The following TNRC18 variants were observed in gnomAD, a reference collection of about 807,000 sequenced individuals.
TNRC18 encodes trinucleotide repeat-containing gene 18 protein.
Under a neutral mutation model 226.7 loss-of-function variants are expected in TNRC18, and 69 were observed. The ratio of observed to expected loss-of-function variants is 0.30; its 90% CI spans 0.25 to 0.37. TNRC18 has a LOEUF of 0.37. TNRC18 is among the 10% of genes least tolerant of loss of function. The probability of loss-of-function intolerance (pLI) is 1.00; values close to 1 mark genes in which losing one functional copy is unlikely to be tolerated. For synonymous variants in TNRC18, 2,449 were observed against 1,927.6 expected, an observed-to-expected ratio of 1.27 and a Z score of -7.09; for missense variants, 4,754 against 4,256.6, an observed-to-expected ratio of 1.12 and a Z score of -3.25.
chr7:5,369,258 G>C (rs935768743), intron 11 of TNRC18, among the ~76,000 whole-genome samples: 9 of 152,042 alleles, frequency 5.9e-5, no homozygotes, highest in African/African-American at 1.7e-4. Context: ...TGAAGTAGGA[G>C]AATCACTTGA....
intron 19 of TNRC18, among the ~76,000 whole-genome samples, chr7:5,329,369 C>G (rs539731309): frequency 6.6e-6 from 1 of 150,908 alleles, no homozygotes; most frequent in Admixed American, 6.6e-5. Context: ...CATGATATAA[C>G]ACAGACTGAA....
At chr7:5,389,838 G>C (rs547759104) in intron 4 of TNRC18, 53 of 153,838 alleles carry the variant, frequency 3.4e-4, no homozygotes, top group Non-Finnish European at 6.5e-4. Flanking sequence ...AGGGCAAGAA[G>C]AAATGGGCGT....
At chr7:5,308,471 AAG>A (rs912214749) in intron 29 of TNRC18, among the ~76,000 whole-genome samples, 159 bp from the exon 30 acceptor site, 14 of 152,140 alleles carry the variant, frequency 9.2e-5, no homozygotes, top group African/African-American at 2.9e-4. Flanking sequence ...AGACCAACAA[AAG>A]AGAGACAGAG....
At chr7:5,317,218 A>C (rs1330016524) in intron 24 of TNRC18, among the ~76,000 whole-genome samples, 1 of 151,992 alleles carries the variant, frequency 6.6e-6, no homozygotes, top group Non-Finnish European at 1.5e-5. Context: ...CAGACGCCTA[A>C]GGAGTTCTAA....
chr7:5,311,817 C>G (rs1265811153), intron 27 of TNRC18, among the ~76,000 whole-genome samples: 5 of 128,284 alleles, frequency 3.9e-5, no homozygotes, highest in South Asian at 2.5e-4. Context: ...GATCCTGTCT[C>G]TTAAAAAAAA....
chr7:5,328,048 C>A (rs1018826312), intron 19 of TNRC18, among the ~76,000 whole-genome samples: 5 of 151,686 alleles, frequency 3.3e-5, no homozygotes, highest in Admixed American at 6.6e-5. Context: ...ATGGTGAAAC[C>A]CCGTCTCTAC....
rs780635571 is a variant in TNRC18, at chr7:5,309,254, G to A, written c.8503C>T (p.Leu2835=). 1.5e-5 allele frequency: 24 copies of A among 1,613,910 alleles called. No individual in the cohort carries two copies. In the East Asian group the frequency reaches 4.9e-4, roughly 33 times the overall value. Residue 2835 remains leucine (L), a synonymous_variant, in exon 28 of 30, where the codon CTG becomes TTG. Coordinates refer to ENST00000430969, the MANE Select transcript of TNRC18 (RefSeq NM_001080495.3). The surrounding 1 kb of genome is among the most constrained non-coding windows in gnomAD (Gnocchi z 5.7). Reference sequence around the variant, plus strand: ...CTCTGGATGCGGCCGATGTAGGGCAGGTTGGGGCGGCCGGCAGAGAGGAAC... The same window carrying A: ...CTCTGGATGCGGCCGATGTAGGGCAAGTTGGGGCGGCCGGCAGAGAGGAAC... ...AVFLSAGRPN[L]PYIGRIQSMW... is the part of the protein sequence containing the mutation.
chr7:5,408,342 A>C (rs1781616867), intron 2 of TNRC18, among the ~76,000 whole-genome samples: 1 of 150,942 alleles, frequency 6.6e-6, no homozygotes, highest in African/African-American at 2.4e-5. Context: ...ATAGGAGAGA[A>C]GTGGAAAGGA....
At chr7:5,368,764 A>C (rs942931854) in intron 11 of TNRC18, among the ~76,000 whole-genome samples, 7 of 152,074 alleles carry the variant, frequency 4.6e-5, no homozygotes, top group Non-Finnish European at 8.8e-5. Flanking sequence ...AAATATGTGT[A>C]TGTGTGTTCT....
intron 21 of TNRC18, among the ~76,000 whole-genome samples, chr7:5,322,439 T>C (rs190687278): frequency 2.0e-5 from 3 of 152,170 alleles, no homozygotes; most frequent in African/African-American, 7.2e-5. Context: ...GCTGGGACTA[T>C]AGGTGCACAC....
chr7:5,308,346 G>GA, intron 29 of TNRC18, 34 bp from the exon 30 acceptor site: 1 of 1,546,538 alleles, frequency 6.5e-7, no homozygotes, highest in East Asian at 2.6e-5. Flanking sequence ...GATGGCAGGT[G>GA]GGGGGCACAG....
intron 18 of TNRC18, 95 bp from the exon 19 acceptor site, chr7:5,333,144 T>C (rs934725451): frequency 8.1e-6 from 11 of 1,353,002 alleles, no homozygotes; most frequent in Non-Finnish European, 1.1e-5. Flanking sequence ...CGGCGGGACC[T>C]CCCCGCCAAT....
intron 18 of TNRC18, among the ~76,000 whole-genome samples, chr7:5,341,332 T>C (rs979066295): frequency 6.3e-5 from 9 of 143,652 alleles, no homozygotes; most frequent in African/African-American, 2.1e-4. Context: ...GGCAGGAGAA[T>C]GGCATGAACC....
chr7:5,388,528 G>A lies in TNRC18; in HGVS notation c.1296C>T (p.Val432=). The A allele has an allele frequency of 7.6e-6, 10 of 1,320,062 alleles. No homozygotes were observed. Among genetic ancestry groups the A allele is most frequent in the Non-Finnish European group, 9.6e-6 (10 of 1,038,832 alleles). The allele number at this position is 1,320,062 out of a possible 1,614,324, so 81.8% of individuals were successfully genotyped here. A position where few individuals can be genotyped will look rare whatever the true frequency, so the allele number is the denominator to read the frequency against. Residue 432 remains valine (V), a synonymous_variant, in exon 5 of 30, where the codon GTC becomes GTT. Coordinates refer to ENST00000430969, the MANE Select transcript of TNRC18 (RefSeq NM_001080495.3). The part of the protein sequence containing the change: ...RPEGLREKNS[V]IRSLKRPPPA... Reference sequence around the variant, plus strand: ...GGGGCGGCCGCTTGAGCGAGCGGATGACCGAGTTCTTCTCGCGCAGGCCCT... The same window carrying A: ...GGGGCGGCCGCTTGAGCGAGCGGATAACCGAGTTCTTCTCGCGCAGGCCCT...
chr7:5,420,475 C>T (rs1164406213), intron 2 of TNRC18: 1 of 451,766 alleles, frequency 2.2e-6, no homozygotes, highest in Non-Finnish European at 4.4e-6. Flanking sequence ...GCCGTTCTCC[C>T]GGGGAAGAAA....
rs1370486013 is a variant in TNRC18, at chr7:5,388,315, G to T, written c.1509C>A (p.Pro503=). The T allele has an allele frequency of 1.2e-6, 2 of 1,603,916 alleles. No homozygotes were observed. Among genetic ancestry groups the T allele is most frequent in the Admixed American group, 1.7e-5 (1 of 58,928 alleles). The change falls in exon 5 of 30, where the codon CCC becomes CCA. Residue 503 remains proline, a synonymous_variant. Transcript: ENST00000430969. ...LFGLEPGRPP[P]TGPEHKWKPF... ...GTTTCCATTTATGCTCAGGGCCGGT[G>T]GGCGGGGGGCGCCCGGGCTCCAGGC...
chr7:5,344,162 A>G (rs1010213709), intron 18 of TNRC18, among the ~76,000 whole-genome samples: 1 of 152,188 alleles, frequency 6.6e-6, no homozygotes, highest in Non-Finnish European at 1.5e-5. Flanking sequence ...ATGAATAGCA[A>G]GTGTAAATGT....
intron 5 of TNRC18, among the ~76,000 whole-genome samples, chr7:5,384,495 C>G (rs1779620814): frequency 6.6e-6 from 1 of 151,540 alleles, no homozygotes; most frequent in South Asian, 2.1e-4. Flanking sequence ...CTCTGGCACA[C>G]CCTCCCTCCC....
Position 5,310,000 on chromosome 7 carries a change from T to C in TNRC18, c.8389-632A>G, listed in dbSNP as rs923597319. 3.9e-5 allele frequency among the ~76,000 whole-genome samples: 6 copies of C among 151,994 alleles called. No individual in the cohort carries two copies. Among genetic ancestry groups the C allele is most frequent in the Non-Finnish European group, 7.4e-5 (5 of 67,998 alleles). On this transcript the variant is annotated intron_variant, in intron 27 of 29. Transcript: ENST00000430969. The surrounding 1 kb of genome is among the most constrained non-coding windows in gnomAD (Gnocchi z 5.7). ...ATATCATAGCTCACTGCAGCCTCGA[T>C]CTCCTGGGCTCAAGCCATCCTCCTC... is the stretch of plus-strand genomic sequence containing the variant.
Sources: gnomAD v4.1 joint callset for allele counts (sites outside exome capture counted in the v4.1 genomes callset) on GRCh38, gnomAD v4.1.1 for gene constraint, Gnocchi (gnomAD v3.1) non-coding constraint, MANE v1.5 for transcripts, NCBI Gene and HGNC (gene_info 2026-07-23, HGNC 2026-07-21) for gene names.